TERB2: variants seen among roughly 807,000 people sequenced by gnomAD.
TERB2 encodes telomere repeats-binding bouquet formation protein 2.
Under a neutral mutation model 29.8 loss-of-function variants are expected in TERB2, and 26 were observed. The observed-to-expected ratio is 0.87, with a 90% CI of 0.64 to 1.21. The LOEUF (loss-of-function observed/expected upper bound fraction) is 1.21, where lower values mean the gene tolerates loss of function less well. TERB2 is among the 50% of genes most tolerant of loss of function. TERB2 has a pLI of 0.00. For missense variants in TERB2, 240 were observed against 268.6 expected (o/e 0.89, Z 0.74); for synonymous variants, 80 against 90.8 (o/e 0.88, Z 0.68).
chr15:44,963,209 C>T (rs1384407698), intron 4 of TERB2, among the ~76,000 whole-genome samples: 1 of 152,132 alleles, frequency 6.6e-6, no homozygotes, highest in African/African-American at 2.4e-5. Flanking sequence ...AGTAAAACAG[C>T]GTATCTTTAC....
At chr15:44,962,737 A>T (rs1389025191) in intron 4 of TERB2, 2 of 152,214 alleles carry the variant, frequency 1.3e-5, no homozygotes, top group African/African-American at 4.8e-5. Context: ...TTACTTCAAA[A>T]TCTTTAAGTA....
chr15:44,967,152 G>A (rs994753543), intron 5 of TERB2, among the ~76,000 whole-genome samples: 1 of 152,344 alleles, frequency 6.6e-6, no homozygotes, highest in Non-Finnish European at 1.5e-5. Context: ...CCTTGCCATT[G>A]TATTAGGAAC....
At chr15:44,978,421 A>G in intron 6 of TERB2, 68 bp from the exon 7 acceptor site, 1 of 1,431,128 alleles carries the variant, frequency 7.0e-7, no homozygotes, top group Non-Finnish European at 9.2e-7. Context: ...AATAAATCAA[A>G]GACACTGAAA....
At chr15:44,973,511 C>A (rs999119268) in intron 5 of TERB2, 1 of 151,958 alleles carries the variant, frequency 6.6e-6, no homozygotes, top group African/African-American at 2.4e-5. Flanking sequence ...ACATTTTCAC[C>A]CATTAAGACT....
At chr15:44,971,816 C>A (rs1159505323) in intron 5 of TERB2, among the ~76,000 whole-genome samples, 1 of 149,156 alleles carries the variant, frequency 6.7e-6, no homozygotes, top group African/African-American at 2.5e-5. Context: ...AACATCTCTT[C>A]CTTTTCATCC....
intron 4 of TERB2, among the ~76,000 whole-genome samples, chr15:44,963,881 G>A (rs1304833530): frequency 1.4e-5 from 2 of 139,590 alleles, no homozygotes; most frequent in African/African-American, 2.7e-5. Context: ...GGGATCTCAA[G>A]CTTACTGCGA....
rs1400297825 is a variant in TERB2 at position 44,968,427 on chromosome 15, C to T, written c.434+2184C>T. Among the ~76,000 whole-genome samples the T allele has an allele frequency of 4.1e-4, 62 of 151,786 alleles. No individual in the cohort carries two copies. In the East Asian group the frequency reaches 0.012, roughly 30 times the overall value. ...GTAGAGACGGGGTTTGGCCATGTTG[C>T]CCAGGCTGGTCTCAAATTCCTGGCC... On this transcript the variant is annotated intron_variant, in intron 5 of 6. Transcript: ENST00000340827.
intron 5 of TERB2, among the ~76,000 whole-genome samples, chr15:44,969,007 G>A (rs1294353097): frequency 1.3e-5 from 2 of 151,978 alleles, no homozygotes; most frequent in Non-Finnish European, 2.9e-5. Flanking sequence ...ATAGCTCACT[G>A]CAACCTGGAA....
chr15:44,969,472 T>C (rs1284767712), intron 5 of TERB2, among the ~76,000 whole-genome samples: 3 of 151,912 alleles, frequency 2.0e-5, no homozygotes, highest in Admixed American at 2.0e-4. Context: ...CTTGAACTTC[T>C]GGGCCCAAGG....
intron 5 of TERB2, 130 bp downstream of exon 5, chr15:44,966,373 C>A (rs1566945664): frequency 7.0e-6 from 3 of 430,288 alleles, no homozygotes; most frequent in Non-Finnish European, 1.2e-5. Context: ...TCCCATTATA[C>A]AAAAAAAAGA....
chr15:44,977,844 A>T (rs1340648820), intron 6 of TERB2, among the ~76,000 whole-genome samples: 2 of 152,204 alleles, frequency 1.3e-5, no homozygotes, highest in Admixed American at 1.3e-4. Flanking sequence ...ATAAAATGTA[A>T]TCATTTAAAT....
intron 5 of TERB2, among the ~76,000 whole-genome samples, chr15:44,966,534 C>T (rs189708320): frequency 3.3e-5 from 5 of 152,228 alleles, no homozygotes; most frequent in Admixed American, 3.3e-4. Context: ...GAATACTATA[C>T]TATCTCATAG....
chr15:44,965,443 AAT>A (rs959366149), intron 4 of TERB2, among the ~76,000 whole-genome samples: 3 of 143,666 alleles, frequency 2.1e-5, no homozygotes, highest in Non-Finnish European at 4.5e-5. Flanking sequence ...TAAATATATA[AAT>A]ATATATTTAT....
chr15:44,966,879 GC>G (rs1460802949), intron 5 of TERB2, among the ~76,000 whole-genome samples: 1 of 152,132 alleles, frequency 6.6e-6, no homozygotes, highest in African/African-American at 2.4e-5. Context: ...CCGGATGACT[GC>G]TTGAGCCTAG....
At chr15:44,966,768 A>C (rs1377527810) in intron 5 of TERB2, among the ~76,000 whole-genome samples, 6 of 152,210 alleles carry the variant, frequency 3.9e-5, no homozygotes, top group Admixed American at 2.0e-4. Flanking sequence ...GTGATTTCCC[A>C]TCTTCTTTCC....
At chr15:44,968,340 C>T (rs557239800) in intron 5 of TERB2, among the ~76,000 whole-genome samples, 2 of 152,034 alleles carry the variant, frequency 1.3e-5, no homozygotes, top group South Asian at 2.1e-4. Flanking sequence ...CTTGGCCTCC[C>T]GAGCAGCTGG....
intron 5 of TERB2, among the ~76,000 whole-genome samples, chr15:44,971,830 C>CA (rs1177832439): frequency 1.3e-5 from 2 of 151,824 alleles, no homozygotes; most frequent in Admixed American, 6.6e-5. Flanking sequence ...TTCATCCCCC[C>CA]CCCTCCTTTT....
intron 5 of TERB2, among the ~76,000 whole-genome samples, chr15:44,966,706 A>G (rs1891895385): frequency 6.6e-6 from 1 of 152,214 alleles, no homozygotes; most frequent in Non-Finnish European, 1.5e-5. Context: ...TTTTACTTGG[A>G]AGGAAATACA....
At position 44,956,712 on chromosome 15, in the gene TERB2, C is replaced by T. The variant is rs200283061; in HGVS notation, c.-7C>T. 2.4e-4 allele frequency: 381 copies of T among 1,599,962 alleles called. 4 individuals are homozygous for T. In the South Asian group the frequency reaches 3.1e-3, roughly 13 times the overall value. The stretch of plus-strand genomic sequence containing the variant: ...CTCTCTCACATCTCCACAGGCTTGG[C>T]GACGCCATGTTTCAAGGGCAGCGCG... On this transcript the variant is annotated 5_prime_UTR_variant, in exon 1 of 7. Coordinates refer to ENST00000340827, the MANE Select transcript of TERB2 (RefSeq NM_152448.3).
Sources: gnomAD v4.1 joint callset for allele counts (sites outside exome capture counted in the v4.1 genomes callset) on GRCh38, gnomAD v4.1.1 for gene constraint, MANE v1.5 for transcripts, NCBI Gene and HGNC (gene_info 2026-07-23, HGNC 2026-07-21) for gene names.